The following PDPR variants were observed in gnomAD, a reference collection of about 807,000 sequenced individuals.
PDPR encodes pyruvate dehydrogenase phosphatase regulatory subunit, mitochondrial.
A neutral mutation model predicts 102.2 loss-of-function variants in PDPR; 50 were observed. The ratio of observed to expected loss-of-function variants is 0.49; its 90% CI spans 0.39 to 0.62. The LOEUF (loss-of-function observed/expected upper bound fraction) is 0.62, where lower values mean the gene tolerates loss of function less well. PDPR is among the 20% of genes least tolerant of loss of function. The pLI, the probability that PDPR is intolerant of heterozygous loss-of-function variation, is 0.00. For missense variants in PDPR, 625 were observed against 1,098.2 expected (o/e 0.57, Z 6.09); for synonymous variants, 259 against 406.0 (o/e 0.64, Z 4.35).
chr16:70,133,358 G>A (rs1169712739), intron 9 of PDPR, among the ~76,000 whole-genome samples: 1 of 151,496 alleles, frequency 6.6e-6, no homozygotes, highest in Non-Finnish European at 1.5e-5. Context: ...CTGACCTCAG[G>A]TGATCCGCCT....
At position 70,157,697 on chromosome 16, in the gene PDPR, G is replaced by A. The variant is rs1470170891; in HGVS notation, c.*818G>A. 6.2e-6 allele frequency: 1 copy of A among 161,268 alleles called. No individual in the cohort carries two copies. The highest frequency in any genetic ancestry group is 1.4e-5 in the Non-Finnish European group (1 of 73,388). The allele number at this position is 161,268 out of a possible 1,614,324, so 10.0% of individuals were successfully genotyped here. A position where few individuals can be genotyped will look rare whatever the true frequency, so the allele number is the denominator to read the frequency against. ...TGTGTTGCTTTTCCCAGTCAAAAGG[G>A]TCTGACCTTAGAAAGTCCCCACCAG... On this transcript the variant is annotated 3_prime_UTR_variant, in exon 19 of 19. Transcript: ENST00000288050.
chr16:70,143,951 ATGCGATCATGGATCCC>A (rs1965997450), intron 14 of PDPR, among the ~76,000 whole-genome samples: 1 of 151,938 alleles, frequency 6.6e-6, no homozygotes, highest in Non-Finnish European at 1.5e-5. Flanking sequence ...GAGTGCAGTG[ATGCGATCATGGATCCC>A]TGCAGCCTGG....
intron 2 of PDPR, among the ~76,000 whole-genome samples, chr16:70,116,266 G>A (rs967401369): frequency 7.2e-6 from 1 of 138,792 alleles, no homozygotes; most frequent in East Asian, 2.0e-4. Flanking sequence ...TAGTAGAGAC[G>A]GGGTTTCACC....
chr16:70,152,317 G>T (rs897169684), intron 17 of PDPR, among the ~76,000 whole-genome samples: 1 of 152,272 alleles, frequency 6.6e-6, no homozygotes, highest in Non-Finnish European at 1.5e-5. Context: ...TCAGGAGTTC[G>T]AGAGCAGCCT....
intron 11 of PDPR, among the ~76,000 whole-genome samples, chr16:70,140,309 C>G (rs148914721): frequency 1.5e-3 from 228 of 152,314 alleles, no homozygotes; most frequent in African/African-American, 4.9e-3. Flanking sequence ...CCACTGTGTA[C>G]TCCAGCCTGG....
rs1189490497 is a variant in PDPR, at chr16:70,125,312, G to A, written c.228-1948G>A. 5.3e-5 allele frequency among the ~76,000 whole-genome samples: 8 copies of A among 152,202 alleles called. No homozygotes were observed. The East Asian group carries it at 1.2e-3, about 22-fold the overall frequency. On this transcript the variant is annotated intron_variant, in intron 3 of 18. Coordinates refer to ENST00000288050, the MANE Select transcript of PDPR (RefSeq NM_017990.5). ...AATTGCTTGAACCTGGGAGGTGGAG[G>A]TTGCGGTGAGCCGAGATTGTGCCAT...
At chr16:70,147,328 T>C (rs2152112106) in intron 16 of PDPR, among the ~76,000 whole-genome samples, 1 of 152,212 alleles carries the variant, frequency 6.6e-6, no homozygotes. Context: ...ATGTAAAGTC[T>C]TTATGCTTTT....
intron 18 of PDPR, among the ~76,000 whole-genome samples, chr16:70,153,972 G>A (rs1966865090): frequency 6.6e-6 from 1 of 152,172 alleles, no homozygotes; most frequent in African/African-American, 2.4e-5. Context: ...AAGTTCAGGA[G>A]ATCGAGATCA....
intron 9 of PDPR, among the ~76,000 whole-genome samples, chr16:70,135,361 C>T (rs1309045162): frequency 2.6e-5 from 4 of 152,234 alleles, no homozygotes; most frequent in Non-Finnish European, 2.9e-5. Context: ...CTCAGCCTCC[C>T]GAGTAGCTGG....
At chr16:70,155,170 T>G (rs1411470404) in intron 18 of PDPR, among the ~76,000 whole-genome samples, 1 of 151,586 alleles carries the variant, frequency 6.6e-6, no homozygotes, top group Non-Finnish European at 1.5e-5. Flanking sequence ...CCCACCTGGG[T>G]GACAGAGCAA....
At chr16:70,145,338 A>C (rs186314318) in intron 15 of PDPR, among the ~76,000 whole-genome samples, 1 of 151,698 alleles carries the variant, frequency 6.6e-6, no homozygotes, top group African/African-American at 2.4e-5. Context: ...GGGTTTCACC[A>C]TGTTGGCCAG....
intron 10 of PDPR, among the ~76,000 whole-genome samples, chr16:70,137,670 G>A (rs1462058031): frequency 1.3e-5 from 2 of 152,266 alleles, no homozygotes; most frequent in Non-Finnish European, 2.9e-5. Flanking sequence ...ACGATGAAAA[G>A]TTTATTTTAA....
chr16:70,142,931 C>T (rs1200431921), intron 13 of PDPR, among the ~76,000 whole-genome samples: 6 of 152,244 alleles, frequency 3.9e-5, no homozygotes, highest in Admixed American at 2.0e-4. Context: ...AGTGGTGGCT[C>T]ATGCCTGTAA....
chr16:70,129,263 T>TTA lies in PDPR; in HGVS notation c.607+144_607+145dup. ...GGTACTCAGCCTCCATTTTGAACAC[T>TTA]TATAATTTTATTTATCTGTTAATGA... On this transcript the variant is annotated intron_variant, in intron 6 of 18. Transcript: ENST00000288050. 4 of 1,290,136 alleles carry TTA rather than the reference T, an allele frequency of 3.1e-6. No individual in the cohort carries two copies. In the South Asian group the frequency reaches 5.6e-5, roughly 18 times the overall value. 79.9% of individuals were successfully genotyped at this position (1,290,136 alleles called of 1,614,324 possible).
At chr16:70,125,428 C>T (rs1963843226) in intron 3 of PDPR, among the ~76,000 whole-genome samples, 1 of 151,776 alleles carries the variant, frequency 6.6e-6, no homozygotes, top group Non-Finnish European at 1.5e-5. Context: ...GTGACACACA[C>T]CTGTAATCCC....
chr16:70,161,975 A>C lies in PDPR; in HGVS notation c.*5096A>C, dbSNP rs1227476721. 6.6e-6 allele frequency: 1 copy of C among 152,376 alleles called. No homozygotes were observed. Among genetic ancestry groups the C allele is most frequent in the Non-Finnish European group, 1.5e-5 (1 of 68,102 alleles). 9.4% of individuals were successfully genotyped at this position (152,376 alleles called of 1,614,324 possible). On this transcript the variant is annotated 3_prime_UTR_variant, in exon 19 of 19. Coordinates refer to ENST00000288050, the MANE Select transcript of PDPR (RefSeq NM_017990.5). ...AGATGTATGTCAGAATTTCCTTTGC[A>C]CACCAAGAACTGGAGCTTAGAGCCC...
At chr16:70,121,566 C>T (rs1451532615) in intron 3 of PDPR, among the ~76,000 whole-genome samples, 3 of 152,138 alleles carry the variant, frequency 2.0e-5, no homozygotes, top group Non-Finnish European at 4.4e-5. Flanking sequence ...GTGGTGTGCA[C>T]CTGTAATCCC....
intron 17 of PDPR, among the ~76,000 whole-genome samples, chr16:70,150,996 A>G (rs12922513): frequency 0.23 from 33,663 of 143,882 alleles, 1,165 homozygotes; most frequent in Non-Finnish European, 0.31. Context: ...GTGTAGTGGC[A>G]TGATCTCGGC....
At chr16:70,135,067 C>G (rs1265604114) in intron 9 of PDPR, among the ~76,000 whole-genome samples, 1 of 152,188 alleles carries the variant, frequency 6.6e-6, no homozygotes, top group Non-Finnish European at 1.5e-5. Context: ...TATGTGTCTA[C>G]TAAACAAACC....
Sources: allele counts gnomAD v4.1 joint callset (sites outside exome capture counted in the v4.1 genomes callset), GRCh38; gene constraint gnomAD v4.1.1; transcripts MANE v1.5; gene names NCBI Gene and HGNC (gene_info 2026-07-23, HGNC 2026-07-21).